Variants in BARD1 observed in about 807,000 individuals in gnomAD.
BARD1 encodes the protein BRCA1 associated RING domain 1.
BARD1 carries 73 observed loss-of-function variants against 77.0 expected under a neutral mutation model. The ratio of observed to expected loss-of-function variants is 0.95; its 90% confidence interval spans 0.79 to 1.15. The LOEUF (loss-of-function observed/expected upper bound fraction) is 1.15. Ranked by LOEUF, BARD1 falls within the 50% of genes most tolerant of loss-of-function variation. BARD1 has a pLI of 0.00. For missense variants in BARD1, 993 were observed against 938.8 expected, an observed-to-expected ratio of 1.06 and a Z score of -0.75; for synonymous variants, 384 against 338.0, an observed-to-expected ratio of 1.14 and a Z score of -1.49.
rs1429366753 is a variant in BARD1, at chr2:214,727,013, TAG to T, written c.*1661_*1662del. On this transcript the variant is annotated 3_prime_UTR_variant, in exon 11 of 11. Coordinates refer to ENST00000260947, the MANE Select transcript of BARD1 (RefSeq NM_000465.4). The stretch of plus-strand genomic sequence containing the variant: ...AAATAAAAAATGACAACCAAAATCC[TAG>T]AGAGTCTTAAATTATTTAATCCAGA... The T allele has an allele frequency of 1.9e-5, 4 of 206,402 alleles. No individual in the cohort carries two copies. The highest frequency in any genetic ancestry group is 3.7e-4 in the South Asian group (2 of 5,366). 12.8% of individuals were successfully genotyped at this position (206,402 alleles called of 1,614,324 possible).
intron 6 of BARD1, 115 bp downstream of exon 6, chr2:214,767,367 G>T: frequency 1.0e-6 from 1 of 995,400 alleles, no homozygotes; most frequent in Non-Finnish European, 1.5e-6. Flanking sequence ...TCTAATTTTA[G>T]TTGTGAAAGT....
intron 4 of BARD1, among the ~76,000 whole-genome samples, chr2:214,770,408 C>T (rs1166601738): frequency 6.6e-6 from 1 of 152,176 alleles, no homozygotes; most frequent in East Asian, 1.9e-4. Flanking sequence ...AACAGTAGCA[C>T]ACTGATGCAA....
chr2:214,797,269 C>T, intron 1 of BARD1, 152 bp from the exon 2 acceptor site: 1 of 725,344 alleles, frequency 1.4e-6, no homozygotes. Flanking sequence ...GGCTGTTACT[C>T]CCTGGTTAAA....
At chr2:214,732,324 A>G (rs1692390977) in intron 9 of BARD1, among the ~76,000 whole-genome samples, 1 of 152,094 alleles carries the variant, frequency 6.6e-6, no homozygotes, top group Admixed American at 6.5e-5. Context: ...CTGTCCTGCG[A>G]TTGCATCTAA....
intron 1 of BARD1, among the ~76,000 whole-genome samples, chr2:214,802,610 G>A (rs1355432318): frequency 6.6e-6 from 1 of 152,094 alleles, no homozygotes; most frequent in Non-Finnish European, 1.5e-5. Context: ...TACCTACCTA[G>A]CATGGTGCTA....
rs555665268 is a variant in BARD1 at position 214,792,586 on chromosome 2, C to A, written c.216-141G>T. ...TCAATTGTAATATCCTTGTTGAATACTGTTTTAAAGAGTAAAATACATACA... is the reference window on the plus strand; with the variant it reads ...TCAATTGTAATATCCTTGTTGAATAATGTTTTAAAGAGTAAAATACATACA... On this transcript the variant is annotated intron_variant, in intron 2 of 10. Coordinates refer to ENST00000260947, the MANE Select transcript of BARD1 (RefSeq NM_000465.4). The A allele has an allele frequency of 7.0e-6, 6 of 852,868 alleles. No homozygotes were observed. The African/African-American group carries it at 8.6e-5, about 12-fold the overall frequency. 52.8% of individuals were successfully genotyped at this position (852,868 alleles called of 1,614,324 possible).
intron 1 of BARD1, among the ~76,000 whole-genome samples, chr2:214,808,565 C>T (rs1049557310): frequency 1.3e-5 from 2 of 152,174 alleles, no homozygotes; most frequent in African/African-American, 2.4e-5. Context: ...GATCTTCATA[C>T]AGAAATACTT....
At chr2:214,751,753 A>G (rs1488949545) in intron 7 of BARD1, among the ~76,000 whole-genome samples, 2 of 152,162 alleles carry the variant, frequency 1.3e-5, no homozygotes, top group East Asian at 1.9e-4. Context: ...TTCCTTCTCC[A>G]TGGCAACAAA....
intron 1 of BARD1, among the ~76,000 whole-genome samples, chr2:214,809,014 T>C (rs1396006943): frequency 6.6e-6 from 1 of 152,176 alleles, no homozygotes; most frequent in Non-Finnish European, 1.5e-5. Context: ...GCCAGCCCAA[T>C]TCGCCACAGC....
At chr2:214,806,106 A>T (rs749174663) in intron 1 of BARD1, among the ~76,000 whole-genome samples, 4 of 152,126 alleles carry the variant, frequency 2.6e-5, no homozygotes, top group Non-Finnish European at 5.9e-5. Context: ...TATAAATGTC[A>T]CATCTGGCCT....
At chr2:214,756,775 T>C (rs1693713801) in intron 6 of BARD1, among the ~76,000 whole-genome samples, 1 of 152,016 alleles carries the variant, frequency 6.6e-6, no homozygotes, top group Non-Finnish European at 1.5e-5. Flanking sequence ...GAAGCTAAGC[T>C]ATGGGGATGC....
chr2:214,748,941 A>G (rs1359356797), intron 7 of BARD1, among the ~76,000 whole-genome samples: 1 of 152,166 alleles, frequency 6.6e-6, no homozygotes, highest in Non-Finnish European at 1.5e-5. Context: ...TAAACAGAAG[A>G]GCCAGCCCCT....
chr2:214,751,774 A>G (rs1693465698), intron 7 of BARD1, among the ~76,000 whole-genome samples: 1 of 152,210 alleles, frequency 6.6e-6, no homozygotes, highest in East Asian at 1.9e-4. Flanking sequence ...TGGCATTACC[A>G]TCTATTTCCC....
chr2:214,763,665 C>T (rs4673894), intron 6 of BARD1, among the ~76,000 whole-genome samples: 63,229 of 151,740 alleles, frequency 0.42, 13,220 homozygotes, highest in South Asian at 0.5. Context: ...GGGAAGAGTT[C>T]AGGCCTGGTT....
chr2:214,754,764 A>G (rs1409279428), intron 6 of BARD1, among the ~76,000 whole-genome samples: 3 of 152,086 alleles, frequency 2.0e-5, no homozygotes, highest in African/African-American at 7.2e-5. Flanking sequence ...CACACAATTC[A>G]CTAAACTCTT....
rs1173805550 is a variant in BARD1 at position 214,767,407 on chromosome 2, A to G, written c.1568+75T>C. 2.1e-6 allele frequency: 3 copies of G among 1,431,766 alleles called. No individual in the cohort carries two copies. In the African/African-American group the frequency reaches 4.2e-5, roughly 20 times the overall value. The allele number at this position is 1,431,766 out of a possible 1,614,324, so 88.7% of individuals were successfully genotyped here. A position where few individuals can be genotyped will look rare whatever the true frequency, so the allele number is the denominator to read the frequency against. ...AAAGCCATCAACTTGACTATTTTAA[A>G]GTCTGCTTTATCACACACCTTGATT... is the stretch of plus-strand genomic sequence containing the variant. On this transcript the variant is annotated intron_variant, in intron 6 of 10. Transcript: ENST00000260947.
chr2:214,801,402 T>A (rs1016313159), intron 1 of BARD1, among the ~76,000 whole-genome samples: 2 of 152,216 alleles, frequency 1.3e-5, no homozygotes, highest in East Asian at 3.8e-4. Flanking sequence ...GATTCACACT[T>A]ATCTGTCGTT....
chr2:214,793,416 C>G (rs1388872617), intron 2 of BARD1, among the ~76,000 whole-genome samples: 1 of 152,130 alleles, frequency 6.6e-6, no homozygotes, highest in Non-Finnish European at 1.5e-5. Flanking sequence ...CAAAAAATGT[C>G]ACTGGGGTCA....
chr2:214,798,202 T>C (rs911269634), intron 1 of BARD1, among the ~76,000 whole-genome samples: 12 of 151,894 alleles, frequency 7.9e-5, no homozygotes. Flanking sequence ...ATTGAGATTT[T>C]CAGAAAGATT....
Sources: allele counts gnomAD v4.1 joint callset (sites outside exome capture counted in the v4.1 genomes callset), GRCh38; gene constraint gnomAD v4.1.1; transcripts MANE v1.5; gene names NCBI Gene and HGNC (gene_info 2026-07-23, HGNC 2026-07-21).